The following SIK3 variants were observed in gnomAD, a reference collection of about 807,000 sequenced individuals.
The protein encoded by SIK3 is SIK family kinase 3.
A neutral mutation model predicts 144.2 loss-of-function variants in SIK3; 28 were observed. The ratio of observed to expected loss-of-function variants is 0.19; its 90% CI spans 0.14 to 0.27. The LOEUF (loss-of-function observed/expected upper bound fraction) is 0.27, where lower values mean the gene tolerates loss of function less well. Ranked by LOEUF, SIK3 falls within the 10% of genes least tolerant of loss-of-function variation. The pLI, the probability that SIK3 is intolerant of heterozygous loss-of-function variation, is 1.00. For missense variants in SIK3, 1,319 were observed against 1,776.0 expected (o/e 0.74, Z 4.62); for synonymous variants, 686 against 676.3 (o/e 1.01, Z -0.22).
Position 116,846,654 on chromosome 11 carries a change from C to A in SIK3, c.3953-101G>T. ...AATTGAAGGCAACCTGTCGAGCATC[C>A]CACAGCCTGACTCCCAGCCCTGAAT... is the stretch of plus-strand genomic sequence containing the variant. On this transcript the variant is annotated intron_variant, in intron 23 of 24. Coordinates refer to ENST00000445177, the MANE Select transcript of SIK3 (RefSeq NM_001366686.3). The surrounding 1 kb of genome is among the most constrained non-coding windows in gnomAD (Gnocchi z 4.1). 7.4e-7 allele frequency: 1 copy of A among 1,358,926 alleles called. No individual in the cohort carries two copies. Among genetic ancestry groups the A allele is most frequent in the Non-Finnish European group, 1.0e-6 (1 of 978,870 alleles). The allele number at this position is 1,358,926 out of a possible 1,614,324, so 84.2% of individuals were successfully genotyped here. A position where few individuals can be genotyped will look rare whatever the true frequency, so the allele number is the denominator to read the frequency against.
At chr11:116,940,773 C>T (rs954332733) in intron 3 of SIK3, among the ~76,000 whole-genome samples, 1 of 149,104 alleles carries the variant, frequency 6.7e-6, no homozygotes, top group Non-Finnish European at 1.5e-5. Flanking sequence ...CACTTGCACA[C>T]TCCTGGTGGG....
At chr11:116,969,239 G>A (rs904849313) in intron 1 of SIK3, among the ~76,000 whole-genome samples, 3 of 142,406 alleles carry the variant, frequency 2.1e-5, no homozygotes, top group African/African-American at 7.8e-5. Flanking sequence ...GCAGTGAGCC[G>A]AGATGGCACC....
intron 1 of SIK3, among the ~76,000 whole-genome samples, chr11:117,053,957 A>G (rs1953390707): frequency 6.6e-6 from 1 of 151,196 alleles, no homozygotes; most frequent in African/African-American, 2.4e-5. Context: ...TTTTCTTTCT[A>G]TTTTTTTCAA....
At chr11:117,047,503 T>C (rs1953023999) in intron 1 of SIK3, among the ~76,000 whole-genome samples, 1 of 152,164 alleles carries the variant, frequency 6.6e-6, no homozygotes, top group Non-Finnish European at 1.5e-5. Flanking sequence ...GGAAAGAGTA[T>C]AAATAAAATA....
rs1941707416 is a variant in SIK3, at chr11:116,843,724, A to T, written c.*1919T>A. ...GGTGGTGGTAGGGCAGGTTGGGGGC[A>T]TAAGAGTTGGAACAAGCGCAGATAA... On this transcript the variant is annotated 3_prime_UTR_variant, in exon 25 of 25. Transcript: ENST00000445177. 6.6e-6 allele frequency: 1 copy of T among 152,380 alleles called. No individual in the cohort carries two copies. The highest frequency in any genetic ancestry group is 2.4e-5 in the African/African-American group (1 of 41,578). 9.4% of individuals were successfully genotyped at this position (152,380 alleles called of 1,614,324 possible).
At chr11:117,027,295 T>C (rs1042051055) in intron 1 of SIK3, among the ~76,000 whole-genome samples, 6 of 152,228 alleles carry the variant, frequency 3.9e-5, no homozygotes, top group Non-Finnish European at 8.8e-5. Flanking sequence ...TTGTCACTGC[T>C]GATCGTTAGA....
chr11:117,047,412 T>C (rs1591605193), intron 1 of SIK3, among the ~76,000 whole-genome samples: 1 of 152,154 alleles, frequency 6.6e-6, no homozygotes, highest in South Asian at 2.1e-4. Flanking sequence ...CTGTTAATCA[T>C]AAGAAGGCAC....
chr11:116,954,488 A>T (rs866993497), intron 2 of SIK3, among the ~76,000 whole-genome samples: 1 of 151,918 alleles, frequency 6.6e-6, no homozygotes, highest in African/African-American at 2.4e-5. Context: ...AAAAAAAAAA[A>T]ACTAAAGCAA....
At chr11:116,944,525 G>A (rs1177539161) in intron 3 of SIK3, among the ~76,000 whole-genome samples, 1 of 152,100 alleles carries the variant, frequency 6.6e-6, no homozygotes, top group Non-Finnish European at 1.5e-5. Context: ...ACAGAGGCTG[G>A]GCTGAGCTTC....
chr11:116,961,639 T>C (rs1225255385), intron 1 of SIK3, among the ~76,000 whole-genome samples: 1 of 152,226 alleles, frequency 6.6e-6, no homozygotes, highest in Non-Finnish European at 1.5e-5. Flanking sequence ...ATGAAAATTA[T>C]AACAAAGCAG....
At chr11:116,988,849 G>C (rs920694936) in intron 1 of SIK3, among the ~76,000 whole-genome samples, 4 of 150,920 alleles carry the variant, frequency 2.7e-5, no homozygotes, top group African/African-American at 9.7e-5. Context: ...ATGTGTGAGA[G>C]TTTTATGGAG....
chr11:117,092,573 A>G (rs1348813713), intron 1 of SIK3, among the ~76,000 whole-genome samples: 3 of 152,180 alleles, frequency 2.0e-5, no homozygotes, highest in African/African-American at 7.2e-5. Context: ...AGAAAGCTCC[A>G]GAAAGGCAGA....
chr11:117,023,342 C>G (rs1270559929), intron 1 of SIK3, among the ~76,000 whole-genome samples: 1 of 151,798 alleles, frequency 6.6e-6, no homozygotes, highest in Non-Finnish European at 1.5e-5. Flanking sequence ...TATCTCTGTC[C>G]CTTCCCCGAG....
chr11:116,988,243 C>CA (rs1950385871), intron 1 of SIK3, among the ~76,000 whole-genome samples: 1 of 151,784 alleles, frequency 6.6e-6, no homozygotes, highest in South Asian at 2.1e-4. Context: ...AAAAATTAGC[C>CA]GGCACGGTGG....
intron 1 of SIK3, among the ~76,000 whole-genome samples, chr11:117,008,075 C>CAAAAAAA (rs59486431): frequency 9.3e-4 from 51 of 54,668 alleles, no homozygotes; most frequent in African/African-American, 1.7e-3. Flanking sequence ...GACTCCATCT[C>CAAAAAAA]AAAAAAAAAA....
Position 116,873,927 on chromosome 11 carries a change from T to C in SIK3, c.1557A>G (p.Gln519=), listed in dbSNP as rs1437243430. 1.2e-6 allele frequency: 2 copies of C among 1,613,116 alleles called. No individual in the cohort carries two copies. Among genetic ancestry groups the C allele is most frequent in the Non-Finnish European group, 1.7e-6 (2 of 1,179,644 alleles). ...CCTTGTACTCAAGTTGCCCGGTTGGTTGCAAGTTTTGCATAGGCAACAGGT... is the reference window on the plus strand; with the variant it reads ...CCTTGTACTCAAGTTGCCCGGTTGGCTGCAAGTTTTGCATAGGCAACAGGT... ...MHNLLPMQNL[Q]PTGQLEYKEQ... is the part of the protein sequence containing the mutation. Residue 519 remains glutamine (Q), a synonymous_variant, in exon 12 of 25, where the codon CAA becomes CAG. Coordinates refer to ENST00000445177, the MANE Select transcript of SIK3 (RefSeq NM_001366686.3).
intron 3 of SIK3, among the ~76,000 whole-genome samples, chr11:116,941,939 C>T (rs866059173): frequency 6.6e-6 from 1 of 152,210 alleles, no homozygotes; most frequent in Non-Finnish European, 1.5e-5. Flanking sequence ...AATAAACCCA[C>T]ACTGTCATCA....
chr11:117,013,199 C>T (rs866040543), intron 1 of SIK3, among the ~76,000 whole-genome samples: 8 of 152,124 alleles, frequency 5.3e-5, no homozygotes, highest in Non-Finnish European at 1.2e-4. Context: ...TTATTTAAAA[C>T]TTTGTATAAG....
chr11:117,071,255 TATTTAA>T (rs1431176079), intron 1 of SIK3, among the ~76,000 whole-genome samples: 2 of 151,686 alleles, frequency 1.3e-5, no homozygotes, highest in Non-Finnish European at 2.9e-5. Flanking sequence ...TAAAACAAGA[TATTTAA>T]ACAATTAGCC....
Sources: allele counts gnomAD v4.1 joint callset (sites outside exome capture counted in the v4.1 genomes callset), GRCh38; gene constraint gnomAD v4.1.1; non-coding constraint Gnocchi (gnomAD v3.1); transcripts MANE v1.5; gene names NCBI Gene and HGNC (gene_info 2026-07-23, HGNC 2026-07-21).